Variants in DNAH11 observed in about 807,000 individuals in gnomAD.
The protein encoded by DNAH11 is axonemal beta dynein heavy chain 11.
DNAH11 carries 442 observed loss-of-function variants against 526.0 expected under a neutral mutation model. That is an observed-to-expected ratio of 0.84 (90% CI 0.78 to 0.91). DNAH11 has a LOEUF of 0.91. Among genes scored for constraint, DNAH11 ranks in the 40% least tolerant of loss-of-function variants. The probability of loss-of-function intolerance (pLI) is 0.00; values close to 1 mark genes in which losing one functional copy is unlikely to be tolerated. For synonymous variants in DNAH11, 2,461 were observed against 1,935.9 expected (o/e 1.27, Z -7.12); for missense variants, 6,989 against 5,448.7 (o/e 1.28, Z -8.90).
At chr7:21,858,141 T>A (rs1429069353) in intron 68 of DNAH11, among the ~76,000 whole-genome samples, 5 of 152,114 alleles carry the variant, frequency 3.3e-5, no homozygotes, top group African/African-American at 1.2e-4. Context: ...AAAATGCTCA[T>A]CAGGCATCAG....
chr7:21,671,749 C>CTT (rs967338643), intron 30 of DNAH11, among the ~76,000 whole-genome samples: 2 of 152,080 alleles, frequency 1.3e-5, no homozygotes, highest in Non-Finnish European at 2.9e-5. Flanking sequence ...CGTTTATTGA[C>CTT]TTTATACCTT....
intron 30 of DNAH11, among the ~76,000 whole-genome samples, chr7:21,679,943 A>C (rs545617375): frequency 6.6e-6 from 1 of 152,242 alleles, no homozygotes; most frequent in Non-Finnish European, 1.5e-5. Flanking sequence ...ATATGTATAC[A>C]TATGCCATGT....
At chr7:21,593,678 C>G (rs770863336) in intron 14 of DNAH11, among the ~76,000 whole-genome samples, 5 of 151,932 alleles carry the variant, frequency 3.3e-5, no homozygotes, top group Non-Finnish European at 7.4e-5. Context: ...GTGGTGCTCA[C>G]AGATGTGCAA....
chr7:21,861,859 A>T lies in DNAH11; in HGVS notation c.11209A>T (p.Asn3737Tyr). ...PLYQFSLKAFNVLFHRAIEQA... is the reference protein window; with the variant it reads ...PLYQFSLKAFYVLFHRAIEQA... ...GTCACATTAAATTTCCCAGGCTTTT[A>T]ACGTGCTGTTCCACAGAGCGATCGA... The change falls in exon 69 of 82, where the codon AAC becomes TAC. Residue 3737 changes from asparagine to tyrosine, a missense_variant. Transcript: ENST00000409508. The T allele has an allele frequency of 6.2e-7, 1 of 1,610,928 alleles. No homozygotes were observed. Among genetic ancestry groups the T allele is most frequent in the Non-Finnish European group, 8.5e-7 (1 of 1,178,810 alleles).
At chr7:21,653,044 T>C (rs1316319229) in intron 28 of DNAH11, among the ~76,000 whole-genome samples, 2 of 152,056 alleles carry the variant, frequency 1.3e-5, no homozygotes, top group African/African-American at 4.8e-5. Context: ...GCCCAGCTAA[T>C]TTTGTATTTG....
intron 61 of DNAH11, among the ~76,000 whole-genome samples, chr7:21,794,546 G>A (rs529842835): frequency 3.0e-4 from 45 of 152,250 alleles, no homozygotes; most frequent in African/African-American, 1.0e-3. Context: ...AGGGTAAGGG[G>A]CCCCAAGAAG....
chr7:21,700,959 G>C (rs768695580), intron 36 of DNAH11, among the ~76,000 whole-genome samples: 68 of 152,142 alleles, frequency 4.5e-4, no homozygotes, highest in Middle Eastern at 3.2e-3. Flanking sequence ...GAGCCTGTTG[G>C]GGGTGGAGGG....
intron 30 of DNAH11, among the ~76,000 whole-genome samples, chr7:21,669,887 C>G (rs548664447): frequency 2.0e-5 from 3 of 152,048 alleles, no homozygotes; most frequent in Non-Finnish European, 4.4e-5. Context: ...TTTCATTGAT[C>G]TATTTTTCTG....
intron 18 of DNAH11, among the ~76,000 whole-genome samples, chr7:21,603,010 C>T (rs900800096): frequency 1.3e-5 from 2 of 152,176 alleles, no homozygotes; most frequent in Middle Eastern, 3.4e-3. Context: ...AATCCCATAC[C>T]ACTTCTCTGT....
intron 8 of DNAH11, among the ~76,000 whole-genome samples, chr7:21,578,128 T>C (rs956200322): frequency 1.3e-5 from 2 of 152,156 alleles, no homozygotes; most frequent in East Asian, 3.9e-4. Flanking sequence ...CACATACTTT[T>C]AAACCATCAG....
At chr7:21,743,244 A>C (rs895153636) in intron 49 of DNAH11, among the ~76,000 whole-genome samples, 19 of 152,270 alleles carry the variant, frequency 1.2e-4, no homozygotes, top group Non-Finnish European at 2.9e-5. Context: ...AGTAAGAAGG[A>C]TAAATGATCA....
rs368547613 is a variant in DNAH11 at position 21,850,018 on chromosome 7, A to C, written c.10897-2449A>C. Among the ~76,000 whole-genome samples, 27 of 150,172 alleles carry C rather than the reference A, an allele frequency of 1.8e-4. 2 individuals carry two copies. Among genetic ancestry groups the C allele is most frequent in the South Asian group, 1.7e-3 (8 of 4,718 alleles). Reference sequence around the variant, plus strand: ...AGTATCTAATGACATATGTCTAAGCATACTGATTCTTGTCACTGTGTCTAG... The same window carrying C: ...AGTATCTAATGACATATGTCTAAGCCTACTGATTCTTGTCACTGTGTCTAG... On this transcript the variant is annotated intron_variant, in intron 66 of 81. Transcript: ENST00000409508.
chr7:21,624,163 C>T (rs1786218163), intron 25 of DNAH11, among the ~76,000 whole-genome samples: 1 of 151,938 alleles, frequency 6.6e-6, no homozygotes, highest in Admixed American at 6.6e-5. Context: ...GTAGTGTGAA[C>T]ATTTTAACAA....
chr7:21,665,956 C>T (rs191450349), intron 30 of DNAH11, among the ~76,000 whole-genome samples: 2 of 152,148 alleles, frequency 1.3e-5, no homozygotes, highest in African/African-American at 2.4e-5. Flanking sequence ...ATGGATGTAA[C>T]CATCTGCTGG....
At chr7:21,872,062 T>C (rs1416313581) in intron 73 of DNAH11, among the ~76,000 whole-genome samples, 1 of 136,010 alleles carries the variant, frequency 7.4e-6, no homozygotes, top group Non-Finnish European at 1.5e-5. Flanking sequence ...AGACGGAGTT[T>C]GCAGTGAGCC....
chr7:21,636,940 T>C (rs1334046318), intron 26 of DNAH11, among the ~76,000 whole-genome samples: 1 of 152,064 alleles, frequency 6.6e-6, no homozygotes, highest in East Asian at 1.9e-4. Flanking sequence ...GTAAAAGCCA[T>C]AGAAAGCACG....
intron 25 of DNAH11, among the ~76,000 whole-genome samples, chr7:21,635,443 A>G (rs1008836189): frequency 6.6e-6 from 1 of 152,170 alleles, no homozygotes; most frequent in Admixed American, 6.5e-5. Flanking sequence ...GGCGTGAGCC[A>G]CCGTGCCCGG....
At chr7:21,890,630 T>C (rs1411764331) in intron 76 of DNAH11, among the ~76,000 whole-genome samples, 1 of 152,226 alleles carries the variant, frequency 6.6e-6, no homozygotes, top group Non-Finnish European at 1.5e-5. Context: ...TTCTTATTCA[T>C]ATTTTGCCCA....
chr7:21,655,730 A>G, intron 28 of DNAH11, 102 bp from the exon 29 acceptor site: 3 of 1,190,446 alleles, frequency 2.5e-6, no homozygotes, highest in East Asian at 2.6e-5. Context: ...AGACAACTCT[A>G]ACTCCATAAC....
Sources: gnomAD v4.1 joint callset for allele counts (sites outside exome capture counted in the v4.1 genomes callset) on GRCh38, gnomAD v4.1.1 for gene constraint, MANE v1.5 for transcripts, NCBI Gene and HGNC (gene_info 2026-07-23, HGNC 2026-07-21) for gene names.